The following LRRC19 variants were observed in gnomAD, a reference collection of about 807,000 sequenced individuals.
The protein encoded by LRRC19 is leucine-rich repeat-containing protein 19.
A neutral mutation model predicts 33.3 loss-of-function variants in LRRC19; 33 were observed. The observed-to-expected ratio is 0.99, with a 90% CI of 0.75 to 1.33. The LOEUF (loss-of-function observed/expected upper bound fraction) is 1.33. Among genes scored for constraint, LRRC19 ranks in the 40% most tolerant of loss-of-function variants. LRRC19 has a pLI of 0.00. For missense variants in LRRC19, 463 were observed against 417.3 expected (o/e 1.11, Z -0.95); for synonymous variants, 184 against 152.3 (o/e 1.21, Z -1.53).
At chr9:26,998,360 A>G (rs1212191599) in intron 2 of LRRC19, 119 bp from the exon 3 acceptor site, 10 of 585,484 alleles carry the variant, frequency 1.7e-5, no homozygotes, top group Non-Finnish European at 2.5e-5. Context: ...AAAACCTACT[A>G]TCTAATATTT....
At chr9:26,999,834 T>G in intron 1 of LRRC19, 131 bp from the exon 2 acceptor site, 1 of 549,668 alleles carries the variant, frequency 1.8e-6, no homozygotes, top group Non-Finnish European at 3.0e-6. Flanking sequence ...CCTGGTGGCA[T>G]GGTCACAGCT....
intron 1 of LRRC19, among the ~76,000 whole-genome samples, chr9:27,000,457 A>T (rs748088877): frequency 7.9e-5 from 12 of 152,112 alleles, no homozygotes; most frequent in Non-Finnish European, 1.3e-4. Flanking sequence ...ACTGTGGGAG[A>T]TGAGAATCTT....
Position 26,996,517 on chromosome 9 carries a change from ATAAGAT to A in LRRC19, c.596-24_596-19del, listed in dbSNP as rs1828168126. 2.1e-6 allele frequency: 3 copies of A among 1,404,468 alleles called. No homozygotes were observed. Among genetic ancestry groups the A allele is most frequent in the Non-Finnish European group, 2.8e-6 (3 of 1,063,672 alleles). The allele number at this position is 1,404,468 out of a possible 1,614,324, so 87.0% of individuals were successfully genotyped here. A position where few individuals can be genotyped will look rare whatever the true frequency, so the allele number is the denominator to read the frequency against. On this transcript the variant is annotated intron_variant, in intron 3 of 4. Coordinates refer to ENST00000380055, the MANE Select transcript of LRRC19 (RefSeq NM_022901.3). Reference sequence around the variant, plus strand: ...CTCATTTTCTAGTAAATCAGAAAGAATAAGATTTAGTATAGAGAAAAATAATAGTTA... The same window carrying A: ...CTCATTTTCTAGTAAATCAGAAAGAATTAGTATAGAGAAAAATAATAGTTA...
Position 26,994,831 on chromosome 9 carries a change from G to C in LRRC19, c.*690C>G, listed in dbSNP as rs1389667121. Reference sequence around the variant, plus strand: ...ATGTATTTTTAAAACAAGATTTATAGATAATTGTGATGCCCACTTTGGAAG... The same window carrying C: ...ATGTATTTTTAAAACAAGATTTATACATAATTGTGATGCCCACTTTGGAAG... On this transcript the variant is annotated 3_prime_UTR_variant, in exon 5 of 5. Coordinates refer to ENST00000380055, the MANE Select transcript of LRRC19 (RefSeq NM_022901.3). 2.0e-5 allele frequency: 3 copies of C among 152,598 alleles called. No homozygotes were observed. The highest frequency in any genetic ancestry group is 7.2e-5 in the African/African-American group (3 of 41,446). 9.5% of individuals were successfully genotyped at this position (152,598 alleles called of 1,614,324 possible).
At chr9:26,998,881 C>T (rs943676834) in intron 2 of LRRC19, among the ~76,000 whole-genome samples, 1 of 151,844 alleles carries the variant, frequency 6.6e-6, no homozygotes, top group African/African-American at 2.4e-5. Context: ...GTAATCCCAG[C>T]TACTTGGGAG....
chr9:26,996,602 A>G (rs1828172918), intron 3 of LRRC19, 103 bp from the exon 4 acceptor site: 2 of 723,396 alleles, frequency 2.8e-6, no homozygotes, highest in Non-Finnish European at 2.0e-6. Flanking sequence ...GTCATTCTTA[A>G]AGGCATTATA....
At chr9:27,005,415 C>T (rs1171246525) in intron 1 of LRRC19, among the ~76,000 whole-genome samples, 177 bp downstream of exon 1, 4 of 120,634 alleles carry the variant, frequency 3.3e-5, no homozygotes, top group South Asian at 5.6e-4. Flanking sequence ...TAGGAAAGAC[C>T]CTTTGGCCAT....
intron 1 of LRRC19, among the ~76,000 whole-genome samples, chr9:27,000,739 A>C (rs1828436916): frequency 6.6e-6 from 1 of 152,208 alleles, no homozygotes; most frequent in Non-Finnish European, 1.5e-5. Context: ...CTTAATACCT[A>C]GGTGACGGGT....
chr9:27,001,711 G>C (rs1053678772), intron 1 of LRRC19, among the ~76,000 whole-genome samples: 1 of 151,970 alleles, frequency 6.6e-6, no homozygotes, highest in Non-Finnish European at 1.5e-5. Context: ...TATATCTTCT[G>C]ATTATTAACC....
Position 26,998,106 on chromosome 9 carries a change from A to C in LRRC19, c.217T>G (p.Phe73Val). 2 of 1,613,436 alleles carry C rather than the reference A, an allele frequency of 1.2e-6. No individual in the cohort carries two copies. Among genetic ancestry groups the C allele is most frequent in the Non-Finnish European group, 1.7e-6 (2 of 1,179,600 alleles). Residue 73 changes from phenylalanine to valine, a missense_variant, in exon 3 of 5, where the codon TTT becomes GTT. Physicochemically the swap from Phe to Val is conservative, Grantham distance 50. Coordinates refer to ENST00000380055, the MANE Select transcript of LRRC19 (RefSeq NM_022901.3). ...GTDTRVLQTY[F>V]LLTELYLIEN... ...ATCAAATAGAGCTCTGTGAGTAAAA[A>C]GTATGTCTGTAGAACTCTTGTGTCT...
In LRRC19 at chr9:26,993,551, A is replaced by G. The variant is rs1386296060; in HGVS notation, c.*1970T>C. The G allele has an allele frequency of 6.6e-6, 1 of 152,564 alleles. No homozygotes were observed. The highest frequency in any genetic ancestry group is 1.5e-5 in the Non-Finnish European group (1 of 68,020). 9.5% of individuals were successfully genotyped at this position (152,564 alleles called of 1,614,324 possible). On this transcript the variant is annotated 3_prime_UTR_variant, in exon 5 of 5. Coordinates refer to ENST00000380055, the MANE Select transcript of LRRC19 (RefSeq NM_022901.3). ...CTCAGTAGACATTTGTATTGAATTT[A>G]CTAATTATGTAACTTTTAAAATGAC... is the stretch of plus-strand genomic sequence containing the variant.
chr9:26,998,153 T>C lies in LRRC19; in HGVS notation c.170A>G (p.Asn57Ser). Reference sequence around the variant, plus strand: ...GTCTGTACCATTAAGAGTAATTTGGTTATAACTGAGATCAAGTATAGTAAC... The same window carrying C: ...GTCTGTACCATTAAGAGTAATTTGGCTATAACTGAGATCAAGTATAGTAAC... ...KDVTILDLSY[N>S]QITLNGTDTR... Residue 57 changes from asparagine to serine, a missense_variant, in exon 3 of 5, where the codon AAC becomes AGC. Physicochemically the swap from Asn to Ser is conservative, Grantham distance 46. Transcript: ENST00000380055. 1.2e-6 allele frequency: 2 copies of C among 1,606,370 alleles called. No homozygotes were observed. The highest frequency in any genetic ancestry group is 2.2e-5 in the South Asian group (2 of 89,870).
At chr9:26,995,922 C>G (rs944474266) in intron 4 of LRRC19, 73 bp from the exon 5 acceptor site, 2 of 1,019,168 alleles carry the variant, frequency 2.0e-6, no homozygotes, top group Non-Finnish European at 1.4e-6. Flanking sequence ...AATTATATAT[C>G]CTAATTCTCC....
intron 1 of LRRC19, among the ~76,000 whole-genome samples, chr9:27,001,186 T>A (rs1378883507): frequency 2.0e-5 from 3 of 152,196 alleles, no homozygotes; most frequent in African/African-American, 7.2e-5. Context: ...TATGCTACTT[T>A]TTTTTAATCC....
chr9:27,002,514 G>C (rs12349359), intron 1 of LRRC19, among the ~76,000 whole-genome samples: 11,381 of 152,234 alleles, frequency 0.075, 546 homozygotes, highest in African/African-American at 0.13. Context: ...ATATAGTTAT[G>C]CAGTTTTTCT....
intron 2 of LRRC19, among the ~76,000 whole-genome samples, chr9:26,998,746 G>T (rs992766881): frequency 2.0e-5 from 3 of 152,222 alleles, no homozygotes; most frequent in African/African-American, 7.2e-5. Flanking sequence ...CACTTTGGGA[G>T]GCTGAGGCAG....
intron 1 of LRRC19, among the ~76,000 whole-genome samples, chr9:27,002,754 G>A (rs775034751): frequency 1.3e-5 from 2 of 152,052 alleles, no homozygotes; most frequent in African/African-American, 2.4e-5. Flanking sequence ...TTTTGCTGAG[G>A]GTTGTTTTAG....
At chr9:26,999,469 G>C (rs1016830706) in intron 2 of LRRC19, 145 bp downstream of exon 2, 3 of 456,842 alleles carry the variant, frequency 6.6e-6, no homozygotes, top group Non-Finnish European at 1.1e-5. Context: ...TGTCAAATTG[G>C]AATTTGGATA....
chr9:27,001,068 G>A (rs928940588), intron 1 of LRRC19, among the ~76,000 whole-genome samples: 1 of 152,032 alleles, frequency 6.6e-6, no homozygotes, highest in Non-Finnish European at 1.5e-5. Context: ...TTGTCTTTCT[G>A]TGCTTGGCTT....
Sources: gnomAD v4.1 joint callset for allele counts (sites outside exome capture counted in the v4.1 genomes callset) on GRCh38, gnomAD v4.1.1 for gene constraint, MANE v1.5 for transcripts, NCBI Gene and HGNC (gene_info 2026-07-23, HGNC 2026-07-21) for gene names.